MAGT1: variants seen among roughly 807,000 people sequenced by gnomAD.
MAGT1 encodes dolichyl-diphosphooligosaccharide--protein glycosyltransferase subunit MAGT1.
In MAGT1, 4 loss-of-function variants were observed where a neutral mutation model predicts 28.4. The ratio of observed to expected loss-of-function variants is 0.14; its 90% CI spans 0.07 to 0.32. MAGT1 has a LOEUF of 0.32. MAGT1 is among the 10% of genes least tolerant of loss of function. MAGT1 has a pLI of 1.00. For missense variants in MAGT1, 193 were observed against 264.5 expected (o/e 0.73, Z 1.88); for synonymous variants, 89 against 89.7 (o/e 0.99, Z 0.04).
At chrX:77,878,289 C>CAAAAAAAAAAA (rs1205547369) in intron 1 of MAGT1, among the ~76,000 whole-genome samples, 8 of 15,059 alleles carry the variant, frequency 5.3e-4, no homozygotes, top group Admixed American at 1.0e-3. Flanking sequence ...AACTCTGATG[C>CAAAAAAAAAAA]AAAAAAAAAA....
At chrX:77,876,623 G>A (rs1270017845) in intron 1 of MAGT1, among the ~76,000 whole-genome samples, 1 of 111,700 alleles carries the variant, frequency 9.0e-6, no homozygotes, top group East Asian at 2.8e-4. Flanking sequence ...GCACAAAGGT[G>A]CAAAAACAAC....
At chrX:77,878,657 C>T (rs1735739272) in intron 1 of MAGT1, among the ~76,000 whole-genome samples, 1 of 104,112 alleles carries the variant, frequency 9.6e-6, no homozygotes, top group Non-Finnish European at 2.0e-5. Flanking sequence ...GGTGTGTTGG[C>T]GGGTGCCTGT....
intron 2 of MAGT1, 127 bp downstream of exon 2, chrX:77,875,301 A>G: frequency 3.3e-6 from 2 of 609,213 alleles, no homozygotes; most frequent in South Asian, 4.8e-5. Flanking sequence ...TATTGCTACC[A>G]TAGACATCCT....
At position 77,856,813 on chromosome X, in the gene MAGT1, C is replaced by T. The variant is rs1557216042; in HGVS notation, c.592G>A (p.Val198Ile). 8.3e-7 allele frequency: 1 copy of T among 1,203,837 alleles called. No individual in the cohort carries two copies. The highest frequency in any genetic ancestry group is 1.8e-5 in the African/African-American group (1 of 57,027). Residue 198 changes from valine to isoleucine, a missense_variant, in exon 5 of 10, where the codon GTT becomes ATT. By Grantham distance (29) the Val-to-Ile change is conservative. Transcript: ENST00000618282. ...GPLMLGLLLA[V>I]IGGLVYLRRS... ...CGAAGATACACAAGTCCACCAATAA[C>T]AGCCAAAAGCAATCCCAACATAAGG...
chrX:77,827,985 A>G lies in MAGT1; in HGVS notation c.*1235T>C, dbSNP rs1489197663. 1.8e-5 allele frequency: 2 copies of G among 110,471 alleles called. No individual in the cohort carries two copies. The highest frequency in any genetic ancestry group is 1.9e-4 in the Admixed American group (2 of 10,264). The allele number at this position is 110,471 out of a possible 1,213,427, so 9.1% of individuals were successfully genotyped here. A position where few individuals can be genotyped will look rare whatever the true frequency, so the allele number is the denominator to read the frequency against. On this transcript the variant is annotated 3_prime_UTR_variant, in exon 10 of 10. Transcript: ENST00000618282. The stretch of plus-strand genomic sequence containing the variant: ...AGAAATTATAATCCTGTATTTAGAG[A>G]TACTTTTTTTTGAGACAGAGTCTCA...
At chrX:77,841,199 T>C (rs1252694782) in intron 8 of MAGT1, 47 bp downstream of exon 8, 1 of 954,554 alleles carries the variant, frequency 1.0e-6, no homozygotes, top group Non-Finnish European at 1.5e-6. Context: ...ATCACTCTTT[T>C]TCCATAGTAC....
intron 3 of MAGT1, among the ~76,000 whole-genome samples, chrX:77,859,682 C>T (rs2076989874): frequency 9.0e-6 from 1 of 111,508 alleles, no homozygotes; most frequent in Non-Finnish European, 1.9e-5. Flanking sequence ...GCTTGGCCAA[C>T]ATGGTAAAAC....
chrX:77,849,252 C>CT (rs1444552180), intron 7 of MAGT1, among the ~76,000 whole-genome samples: 9 of 108,150 alleles, frequency 8.3e-5, no homozygotes, highest in Admixed American at 3.0e-4. Flanking sequence ...AATTTATGTA[C>CT]TTTTTTTAGT....
intron 7 of MAGT1, 58 bp from the exon 8 acceptor site, chrX:77,841,378 T>C (rs2076934295): frequency 1.0e-5 from 8 of 802,218 alleles, no homozygotes; most frequent in Non-Finnish European, 1.5e-5. Context: ...ACCATTTTAC[T>C]ATTTCCAGTT....
In MAGT1 at chrX:77,886,645, T is replaced by G. The variant is rs1328181767; in HGVS notation, c.102+8664A>C. On this transcript the variant is annotated intron_variant, in intron 1 of 9. Coordinates refer to ENST00000618282, the MANE Select transcript of MAGT1 (RefSeq NM_001367916.1). ...CTTCAGCCTGAGCAACATAGTTAGA[T>G]TCCATCTCTAAAAAAAAAACAAAAA... Among the ~76,000 whole-genome samples, 3 of 110,330 alleles carry G rather than the reference T, an allele frequency of 2.7e-5. No homozygotes were observed. The East Asian group carries it at 8.5e-4, about 31-fold the overall frequency.
chrX:77,846,906 T>C (rs1295530775), intron 7 of MAGT1, among the ~76,000 whole-genome samples: 2 of 111,681 alleles, frequency 1.8e-5, no homozygotes, highest in Non-Finnish European at 3.8e-5. Flanking sequence ...AGGCAGTCTG[T>C]CCGTTCTCAG....
chrX:77,890,988 C>G (rs935591510), intron 1 of MAGT1, among the ~76,000 whole-genome samples: 5 of 110,785 alleles, frequency 4.5e-5, no homozygotes, highest in African/African-American at 1.3e-4. Context: ...TCATCACTTT[C>G]CACATTTCAT....
chrX:77,867,974 T>C (rs782696057), intron 3 of MAGT1: 1 of 66,743 alleles, frequency 1.5e-5, no homozygotes, highest in Non-Finnish European at 4.0e-5. Flanking sequence ...AAAAGGTTAC[T>C]GCATTAGCTT....
At chrX:77,843,727 C>T (rs1388929432) in intron 7 of MAGT1, among the ~76,000 whole-genome samples, 1 of 111,404 alleles carries the variant, frequency 9.0e-6, no homozygotes, top group Non-Finnish European at 1.9e-5. Flanking sequence ...GGTACATGTG[C>T]ACATCATGCA....
intron 3 of MAGT1, chrX:77,868,787 C>T (rs1603362887): frequency 4.9e-6 from 1 of 203,674 alleles, no homozygotes; most frequent in Non-Finnish European, 9.4e-6. Context: ...TGCCATTGCA[C>T]TCCAGCCTGG....
chrX:77,894,125 T>C (rs1377319470), intron 1 of MAGT1, among the ~76,000 whole-genome samples: 1 of 111,992 alleles, frequency 8.9e-6, no homozygotes, highest in African/African-American at 3.2e-5. Context: ...TTCTAAGACA[T>C]AAAATTATGC....
chrX:77,891,581 T>C (rs1557219484), intron 1 of MAGT1, among the ~76,000 whole-genome samples: 4 of 111,663 alleles, frequency 3.6e-5, no homozygotes, highest in African/African-American at 1.3e-4. Context: ...GTGTGTATTA[T>C]AGATAATGAG....
At chrX:77,843,222 T>C (rs2076940748) in intron 7 of MAGT1, among the ~76,000 whole-genome samples, 1 of 111,681 alleles carries the variant, frequency 9.0e-6, no homozygotes, top group Admixed American at 9.6e-5. Flanking sequence ...TCTTGCATTC[T>C]TTTTTAAATT....
intron 7 of MAGT1, among the ~76,000 whole-genome samples, chrX:77,849,294 G>A (rs1241941693): frequency 9.2e-6 from 1 of 108,877 alleles, no homozygotes; most frequent in African/African-American, 3.3e-5. Flanking sequence ...TGGCCAGGCT[G>A]GTCTCGAACT....
Sources: allele counts gnomAD v4.1 joint callset (sites outside exome capture counted in the v4.1 genomes callset), GRCh38; gene constraint gnomAD v4.1.1; transcripts MANE v1.5; gene names NCBI Gene and HGNC (gene_info 2026-07-23, HGNC 2026-07-21).